SETD9: variants seen among roughly 807,000 people sequenced by gnomAD.
The protein encoded by SETD9 is SET domain containing 9.
In SETD9, 37 loss-of-function variants were observed where a neutral mutation model predicts 36.4. That is an observed-to-expected ratio of 1.02 (90% CI 0.78 to 1.34). The LOEUF is 1.34. Among genes scored for constraint, SETD9 ranks in the 40% most tolerant of loss-of-function variants. SETD9 has a pLI of 0.00. For missense variants in SETD9, 323 were observed against 353.2 expected (o/e 0.91, Z 0.69); for synonymous variants, 128 against 132.9 (o/e 0.96, Z 0.26).
At chr5:56,925,468 A>G in exon 6 of SETD9, 2 of 303,276 alleles carry the variant, frequency 6.6e-6, no homozygotes, top group African/African-American at 2.2e-5. Flanking sequence ...AACAGCAATG[A>G]CGATTGAAAT....
downstream of SETD9, among the ~76,000 whole-genome samples, chr5:56,926,874 C>A (rs1235791420): frequency 6.9e-6 from 1 of 143,942 alleles, no homozygotes; most frequent in Non-Finnish European, 1.6e-5. Flanking sequence ...TAATGGAATA[C>A]TATTCAGTGA....
intron 1 of SETD9, chr5:56,909,977 C>G (rs1160781806): frequency 7.8e-7 from 1 of 1,283,118 alleles, no homozygotes; most frequent in Non-Finnish European, 1.0e-6. Context: ...GTCCGAGGCC[C>G]GCTGGAAGCC....
rs1018174875 is a variant in SETD9, at chr5:56,917,020, G to C, written c.*118G>C. The C allele has an allele frequency of 1.5e-6, 2 of 1,353,856 alleles. No homozygotes were observed. The highest frequency in any genetic ancestry group is 3.1e-5 in the African/African-American group (2 of 65,544). The allele number at this position is 1,353,856 out of a possible 1,614,324, so 83.9% of individuals were successfully genotyped here. A position where few individuals can be genotyped will look rare whatever the true frequency, so the allele number is the denominator to read the frequency against. ...AATATTTTGAGACTTAATTGGAATA[G>C]GAATTTCTTATGTTTTTGTTGATAT... On this transcript the variant is annotated 3_prime_UTR_variant, in exon 6 of 6. Transcript: ENST00000285947.
At chr5:56,915,142 T>A (rs970453387) in intron 5 of SETD9, among the ~76,000 whole-genome samples, 176 bp downstream of exon 5, 2 of 152,192 alleles carry the variant, frequency 1.3e-5, no homozygotes, top group African/African-American at 4.8e-5. Context: ...AATTTAAAAT[T>A]TTCCTTTAAA....
chr5:56,924,168 CTT>C (rs1749838281), intron 5 of SETD9: 2 of 885,542 alleles, frequency 2.3e-6, no homozygotes, highest in South Asian at 4.3e-5. Flanking sequence ...GTTCTGAACA[CTT>C]TTAATAAATT....
chr5:56,916,880 A>T lies in SETD9; in HGVS notation c.878A>T (p.Asn293Ile). Residue 293 changes from asparagine (N) to isoleucine (I), a missense_variant, in exon 6 of 6, where the codon AAC becomes ATC. Asn to Ile is a moderately radical substitution (Grantham distance 149). Coordinates refer to ENST00000285947, the MANE Select transcript of SETD9 (RefSeq NM_153706.4). ...AATCAAGGAGAAGAGCTTTTTTCAAACTACTACACAATTGTCAGCTAACTC... is the reference window on the plus strand; with the variant it reads ...AATCAAGGAGAAGAGCTTTTTTCAATCTACTACACAATTGTCAGCTAACTC... ...DINQGEELFS[N>I]YYTIVS 6.2e-7 allele frequency: 1 copy of T among 1,606,076 alleles called. No homozygotes were observed. Among genetic ancestry groups the T allele is most frequent in the East Asian group, 2.2e-5 (1 of 44,550 alleles).
downstream of SETD9, among the ~76,000 whole-genome samples, chr5:56,925,848 A>G (rs1749947605): frequency 6.6e-6 from 1 of 152,106 alleles, no homozygotes; most frequent in Non-Finnish European, 1.5e-5. Flanking sequence ...AAGATTTACT[A>G]TAAAGCTATA....
downstream of SETD9, chr5:56,921,038 G>A (rs1749647978): frequency 6.6e-6 from 1 of 152,422 alleles, no homozygotes; most frequent in Non-Finnish European, 1.5e-5. Flanking sequence ...CAAAACTTTA[G>A]ATAAGAAACA....
downstream of SETD9, among the ~76,000 whole-genome samples, chr5:56,918,618 C>A (rs1292328278): frequency 6.6e-6 from 1 of 151,220 alleles, no homozygotes; most frequent in Non-Finnish European, 1.5e-5. Context: ...GTGTGCTTGT[C>A]CCTGCTCTGA....
chr5:56,916,918 A>G lies in SETD9; in HGVS notation c.*16A>G, dbSNP rs1261372565. On this transcript the variant is annotated 3_prime_UTR_variant, in exon 6 of 6. Coordinates refer to ENST00000285947, the MANE Select transcript of SETD9 (RefSeq NM_153706.4). ...TGTCAGCTAACTCTGTGAATCAGAA[A>G]TTATTAGGTTTTCTACTCAGCTATT... 2.5e-6 allele frequency: 4 copies of G among 1,589,536 alleles called. No individual in the cohort carries two copies. The highest frequency in any genetic ancestry group is 1.4e-5 in the African/African-American group (1 of 74,068).
intron 3 of SETD9, 111 bp downstream of exon 3, chr5:56,913,245 G>C (rs988836277): frequency 7.8e-7 from 1 of 1,280,872 alleles, no homozygotes; most frequent in Non-Finnish European, 1.1e-6. Context: ...AAAGAGATGG[G>C]GTCTTGCTAT....
intron 5 of SETD9, among the ~76,000 whole-genome samples, chr5:56,915,920 C>A (rs964852972): frequency 2.0e-5 from 3 of 152,092 alleles, no homozygotes; most frequent in African/African-American, 7.2e-5. Context: ...TGAGATGGCA[C>A]CACTGCACTG....
Position 56,913,956 on chromosome 5 carries a change from G to T in SETD9, c.673G>T (p.Ala225Ser). The T allele has an allele frequency of 6.2e-7, 1 of 1,613,806 alleles. No individual in the cohort carries two copies. The highest frequency in any genetic ancestry group is 1.3e-5 in the African/African-American group (1 of 75,024). ...WLTSEIHNPL[A>S]VGQYVNNCSN... ...AACGTCAGAAATTCATAACCCTCTG[G>T]CTGTGGGACAGTATGTCAACAATTG... Residue 225 changes from alanine (A) to serine (S), a missense_variant, in exon 4 of 6, where the codon GCT (alanine) becomes TCT (serine). Ala to Ser is a moderately conservative substitution (Grantham distance 99). Coordinates refer to ENST00000285947, the MANE Select transcript of SETD9 (RefSeq NM_153706.4).
chr5:56,923,276 C>T (rs561839802), intron 5 of SETD9: 2 of 1,614,098 alleles, frequency 1.2e-6, no homozygotes, highest in East Asian at 2.2e-5. Flanking sequence ...AAAGTCCACA[C>T]CCAGGTTATT....
chr5:56,925,693 G>C (rs909164296), downstream of SETD9, among the ~76,000 whole-genome samples: 1 of 152,076 alleles, frequency 6.6e-6, no homozygotes, highest in Non-Finnish European at 1.5e-5. Context: ...TTGATCTACC[G>C]ATTTAGCACA....
intron 5 of SETD9, chr5:56,924,150 A>T (rs1749836195): frequency 9.2e-7 from 1 of 1,085,044 alleles, no homozygotes; most frequent in Non-Finnish European, 1.3e-6. Context: ...TTATTTTCCC[A>T]TTATATAGTT....
In SETD9 at chr5:56,914,952, C is replaced by T. The variant is rs749276349; in HGVS notation, c.798C>T (p.Ser266=). Residue 266 remains serine, a synonymous_variant, in exon 5 of 6, where the codon AGC becomes AGT. Transcript: ENST00000285947. ...LKQYLPNIAY[S]YDKQSPLRCV... ...AGTATCTTCCAAACATTGCCTACAGCTATGACAAACAAAGGTTCGTTTGCT... is the reference window on the plus strand; with the variant it reads ...AGTATCTTCCAAACATTGCCTACAGTTATGACAAACAAAGGTTCGTTTGCT... 6.3e-7 allele frequency: 1 copy of T among 1,586,842 alleles called. No individual in the cohort carries two copies. The highest frequency in any genetic ancestry group is 8.6e-7 in the Non-Finnish European group (1 of 1,161,812).
At chr5:56,916,741 C>A in intron 5 of SETD9, 74 bp from the exon 6 acceptor site, 1 of 1,488,498 alleles carries the variant, frequency 6.7e-7, no homozygotes, top group Non-Finnish European at 9.0e-7. Context: ...TCTATAAAAG[C>A]CATCTTGGTT....
intron 5 of SETD9, chr5:56,923,089 A>C (rs1749750425): frequency 1.3e-6 from 2 of 1,572,264 alleles, no homozygotes; most frequent in African/African-American, 1.4e-5. Flanking sequence ...CCTCAAGTTT[A>C]CTGGTGCTGC....
Sources: gnomAD v4.1 joint callset for allele counts (sites outside exome capture counted in the v4.1 genomes callset) on GRCh38, gnomAD v4.1.1 for gene constraint, MANE v1.5 for transcripts, NCBI Gene and HGNC (gene_info 2026-07-23, HGNC 2026-07-21) for gene names.